Variants in C2CD2L observed in about 807,000 individuals in gnomAD.
C2CD2L encodes the protein phospholipid transfer protein C2CD2L.
A neutral mutation model predicts 69.9 loss-of-function variants in C2CD2L; 24 were observed. That is an observed-to-expected ratio of 0.34 (90% CI 0.25 to 0.48). The LOEUF is 0.48. C2CD2L is among the 20% of genes least tolerant of loss of function. The pLI, the probability that C2CD2L is intolerant of heterozygous loss-of-function variation, is 0.99. For synonymous variants in C2CD2L, 367 were observed against 391.0 expected, an observed-to-expected ratio of 0.94 and a Z score of 0.72; for missense variants, 811 against 941.5, an observed-to-expected ratio of 0.86 and a Z score of 1.81.
chr11:119,111,715 GT>G (rs779595107), intron 7 of C2CD2L, 86 bp downstream of exon 7: 19 of 907,564 alleles, frequency 2.1e-5, no homozygotes, highest in Non-Finnish European at 2.9e-5. Context: ...AATCAGCTCT[GT>G]TTTCAGTAGC....
chr11:119,114,379 G>C lies in C2CD2L; in HGVS notation c.1909+14G>C, dbSNP rs752330069. ...AGGATCACAAAGGTAGGGGGACGTT[G>C]GCAGGGTGCCCCTCATCTCTTCTTT... On this transcript the variant is annotated intron_variant, in intron 13 of 13. Transcript: ENST00000648610. This position sits in a 1 kb window ranked among gnomAD's most constrained non-coding sequence, Gnocchi z 5.1. The C allele has an allele frequency of 5.0e-6, 8 of 1,612,958 alleles. No homozygotes were observed. Among genetic ancestry groups the C allele is most frequent in the Non-Finnish European group, 6.8e-6 (8 of 1,179,458 alleles).
chr11:119,116,020 C>G, intron 13 of C2CD2L, 25 bp from the exon 14 acceptor site: 1 of 1,610,772 alleles, frequency 6.2e-7, no homozygotes, highest in Non-Finnish European at 8.5e-7. Flanking sequence ...CCCTCTCTGC[C>G]TCAGCTTCCC....
chr11:119,115,936 G>T, intron 13 of C2CD2L, 109 bp from the exon 14 acceptor site: 2 of 840,368 alleles, frequency 2.4e-6, no homozygotes, highest in Non-Finnish European at 1.9e-6. Context: ...TGGGCCACGG[G>T]ACTGATCCTG....
rs1247084572 is a variant in C2CD2L at position 119,107,669 on chromosome 11, C to T, written c.-73C>T. 9.0e-6 allele frequency: 9 copies of T among 1,003,270 alleles called. No homozygotes were observed. Among genetic ancestry groups the T allele is most frequent in the Non-Finnish European group, 1.2e-5 (9 of 751,840 alleles). The allele number at this position is 1,003,270 out of a possible 1,614,324, so 62.1% of individuals were successfully genotyped here. Reference sequence around the variant, plus strand: ...GGGGGAGCCCACCTCCTCCCCGCGGCCCGCCCGGGCCATGCTCCCCCGGGG... The same window carrying T: ...GGGGGAGCCCACCTCCTCCCCGCGGTCCGCCCGGGCCATGCTCCCCCGGGG... On this transcript the variant is annotated 5_prime_UTR_variant, in exon 1 of 14. Transcript: ENST00000648610. This position sits in a 1 kb window ranked among gnomAD's most constrained non-coding sequence, Gnocchi z 5.4.
At chr11:119,103,940 C>T (rs1020870185), upstream of C2CD2L, among the ~76,000 whole-genome samples, 3 of 152,142 alleles carry the variant, frequency 2.0e-5, no homozygotes, top group Admixed American at 6.6e-5. Context: ...TTTTCTCTTC[C>T]ACAGGGTGTC....
chr11:119,104,191 G>A (rs1051956714), upstream of C2CD2L, among the ~76,000 whole-genome samples: 10 of 152,206 alleles, frequency 6.6e-5, no homozygotes, highest in Admixed American at 5.9e-4. Context: ...GAGCTTGTGG[G>A]ATCCCAGAGG....
Position 119,116,273 on chromosome 11 carries a change from G to A in C2CD2L, c.*17G>A, listed in dbSNP as rs766825566. The A allele has an allele frequency of 6.3e-7, 1 of 1,586,840 alleles. No homozygotes were observed. The highest frequency in any genetic ancestry group is 8.7e-7 in the Non-Finnish European group (1 of 1,155,464). ...CAGCTCTGAGGACCCAGCTCTGAAA[G>A]GGCACGAGTTCTCTCAGCCCATTCC... is the stretch of plus-strand genomic sequence containing the variant. On this transcript the variant is annotated 3_prime_UTR_variant, in exon 14 of 14. Transcript: ENST00000648610.
Position 119,113,910 on chromosome 11 carries a change from G to T in C2CD2L, c.1545G>T (p.Gln515His). 4 of 1,614,202 alleles carry T rather than the reference G, an allele frequency of 2.5e-6. No individual in the cohort carries two copies. Among genetic ancestry groups the T allele is most frequent in the Non-Finnish European group, 3.4e-6 (4 of 1,180,042 alleles). The change falls in exon 12 of 14, where the codon CAG (glutamine) becomes CAT (histidine). Residue 515 changes from glutamine (Q) to histidine (H), a missense_variant. By Grantham distance (24) the Gln-to-His change is conservative. Transcript: ENST00000648610. ...CTGTAGCAGAGACAGCGATTCGCCA[G>T]CTGACAGAGCCCAGTGGGCGGGTGG... The part of the protein sequence containing the change: ...LDPVAETAIR[Q>H]LTEPSGRVAK...
chr11:119,107,877 CG>C lies in C2CD2L; in HGVS notation c.140del (p.Gly47AlafsTer6). 1.3e-6 allele frequency: 2 copies of C among 1,516,356 alleles called. No homozygotes were observed. Among genetic ancestry groups the C allele is most frequent in the Admixed American group, 2.1e-5 (1 of 46,862 alleles). The allele number at this position is 1,516,356 out of a possible 1,614,324, so 93.9% of individuals were successfully genotyped here. A position where few individuals can be genotyped will look rare whatever the true frequency, so the allele number is the denominator to read the frequency against. Reference protein sequence around the residue: ...GLWLARARGDRGPGPALAGEP... With the variant: ...GLWLARARGDXGPGPALAGEP... ...GTGGCTGGCGCGGGCCCGCGGGGAC[CG>C]GGGCCCGGGACCCGCCTTAGCCGGG... On this transcript the variant is annotated frameshift_variant, in exon 1 of 14. Transcript: ENST00000648610. LOFTEE classifies it high-confidence loss of function. The surrounding 1 kb of genome is among the most constrained non-coding windows in gnomAD (Gnocchi z 5.4).
rs886863324 is a variant in C2CD2L at position 119,107,619 on chromosome 11, C to T, written c.-123C>T. On this transcript the variant is annotated 5_prime_UTR_variant, in exon 1 of 14. Transcript: ENST00000648610. This position sits in a 1 kb window ranked among gnomAD's most constrained non-coding sequence, Gnocchi z 5.4. The stretch of plus-strand genomic sequence containing the variant: ...GTCCTGGGCACTCAGCCGCGGAGAG[C>T]CCCCGACCCCGCGCGCCCAGCCCCG... 1.9e-6 allele frequency: 1 copy of T among 515,460 alleles called. No individual in the cohort carries two copies. The highest frequency in any genetic ancestry group is 3.2e-6 in the Non-Finnish European group (1 of 313,140). The allele number at this position is 515,460 out of a possible 1,614,324, so 31.9% of individuals were successfully genotyped here. A position where few individuals can be genotyped will look rare whatever the true frequency, so the allele number is the denominator to read the frequency against.
chr11:119,117,080 G>C lies in C2CD2L; in HGVS notation c.*824G>C, dbSNP rs1946914486. The C allele has an allele frequency of 6.5e-6, 1 of 152,678 alleles. No homozygotes were observed. Among genetic ancestry groups the C allele is most frequent in the Admixed American group, 6.5e-5 (1 of 15,276 alleles). 9.5% of individuals were successfully genotyped at this position (152,678 alleles called of 1,614,324 possible). A position where few individuals can be genotyped will look rare whatever the true frequency, so the allele number is the denominator to read the frequency against. Reference sequence around the variant, plus strand: ...TGATGATGTCCATTGCTGTGTGATGGCTTGGAATTTAATTTATTAAAGTCA... The same window carrying C: ...TGATGATGTCCATTGCTGTGTGATGCCTTGGAATTTAATTTATTAAAGTCA... On this transcript the variant is annotated 3_prime_UTR_variant, in exon 14 of 14. Transcript: ENST00000648610.
intron 1 of C2CD2L, among the ~76,000 whole-genome samples, chr11:119,108,689 G>C (rs1015768225): frequency 6.6e-6 from 1 of 152,216 alleles, no homozygotes; most frequent in African/African-American, 2.4e-5. Flanking sequence ...TTGAGGGTCA[G>C]TCACAAACCA....
intron 10 of C2CD2L, chr11:119,113,230 C>A: frequency 2.5e-6 from 1 of 402,352 alleles, no homozygotes; most frequent in Non-Finnish European, 4.5e-6. Flanking sequence ...CCAGCACCCC[C>A]TGGGGTCCTC....
In C2CD2L at chr11:119,116,356, C is replaced by T; in HGVS notation, c.*100C>T. On this transcript the variant is annotated 3_prime_UTR_variant, in exon 14 of 14. Coordinates refer to ENST00000648610, the MANE Select transcript of C2CD2L (RefSeq NM_001290474.2). Reference sequence around the variant, plus strand: ...CCAGTGCCTGGGCCAGGAAAGCCCTCTGGGTTCCGGGAAGCCCCGTCCACC... The same window carrying T: ...CCAGTGCCTGGGCCAGGAAAGCCCTTTGGGTTCCGGGAAGCCCCGTCCACC... 4 of 1,038,400 alleles carry T rather than the reference C, an allele frequency of 3.9e-6. No homozygotes were observed. The highest frequency in any genetic ancestry group is 5.7e-6 in the Non-Finnish European group (4 of 696,844). The allele number at this position is 1,038,400 out of a possible 1,614,324, so 64.3% of individuals were successfully genotyped here.
chr11:119,113,245 AAACCC>A, intron 10 of C2CD2L: 1 of 380,234 alleles, frequency 2.6e-6, no homozygotes, highest in Non-Finnish European at 4.8e-6. Flanking sequence ...GTCCTCCAAC[AAACCC>A]AGAGGCCTCT....
rs750923663 is a variant in C2CD2L at position 119,110,147 on chromosome 11, C to T, written c.398C>T (p.Pro133Leu). The T allele has an allele frequency of 6.2e-7, 1 of 1,614,078 alleles. No homozygotes were observed. Among genetic ancestry groups the T allele is most frequent in the Non-Finnish European group, 8.5e-7 (1 of 1,179,916 alleles). Residue 133 changes from proline to leucine, a missense_variant, in exon 2 of 14, where the codon CCC becomes CTC. Pro to Leu is a moderately conservative substitution (Grantham distance 98). Coordinates refer to ENST00000648610, the MANE Select transcript of C2CD2L (RefSeq NM_001290474.2). The surrounding 1 kb of genome is among the most constrained non-coding windows in gnomAD (Gnocchi z 5.7). Reference protein sequence around the residue: ...IAFEEVPQLPPRASISHVTCV... With the variant: ...IAFEEVPQLPLRASISHVTCV... ...TTTGAGGAGGTGCCCCAACTCCCAC[C>T]CAGAGCCAGCATCAGTCATGTGACC... is the stretch of plus-strand genomic sequence containing the variant.
At position 119,107,494 on chromosome 11, in the gene C2CD2L, C is replaced by T. The variant is rs1466617417; in HGVS notation, c.-248C>T. ...GGCACTGGCCGGCGACTAACGGGTC[C>T]GACTGCTGACCAAGCTAGGAGAGAC... On this transcript the variant is annotated 5_prime_UTR_variant, in exon 1 of 14. Coordinates refer to ENST00000648610, the MANE Select transcript of C2CD2L (RefSeq NM_001290474.2). This position sits in a 1 kb window ranked among gnomAD's most constrained non-coding sequence, Gnocchi z 5.4. 14 of 354,634 alleles carry T rather than the reference C, an allele frequency of 3.9e-5. No homozygotes were observed. Among genetic ancestry groups the T allele is most frequent in the Admixed American group, 1.9e-4 (4 of 21,006 alleles). The allele number at this position is 354,634 out of a possible 1,614,324, so 22.0% of individuals were successfully genotyped here. A position where few individuals can be genotyped will look rare whatever the true frequency, so the allele number is the denominator to read the frequency against.
upstream of C2CD2L, among the ~76,000 whole-genome samples, chr11:119,102,926 G>A (rs535344556): frequency 1.2e-4 from 15 of 123,388 alleles, 1 homozygote; most frequent in South Asian, 4.3e-3. Flanking sequence ...AGGCTGGAGT[G>A]CAATGGCGCG....
At chr11:119,104,288 A>G (rs781296229), upstream of C2CD2L, among the ~76,000 whole-genome samples, 1 of 151,978 alleles carries the variant, frequency 6.6e-6, no homozygotes, top group Non-Finnish European at 1.5e-5. Context: ...TTCCTTTTTT[A>G]TTAGGAGGCC....
Sources: gnomAD v4.1 joint callset for allele counts (sites outside exome capture counted in the v4.1 genomes callset) on GRCh38, gnomAD v4.1.1 for gene constraint, Gnocchi (gnomAD v3.1) non-coding constraint, MANE v1.5 for transcripts, NCBI Gene and HGNC (gene_info 2026-07-23, HGNC 2026-07-21) for gene names.